TMEM17: variants seen among roughly 807,000 people sequenced by gnomAD.
The protein encoded by TMEM17 is transmembrane protein 17.
Under a neutral mutation model 19.1 loss-of-function variants are expected in TMEM17, and 15 were observed. The observed-to-expected ratio is 0.78, with a 90% CI of 0.52 to 1.21. The LOEUF (loss-of-function observed/expected upper bound fraction) is 1.21. TMEM17 is among the 50% of genes most tolerant of loss of function. The pLI, the probability that TMEM17 is intolerant of heterozygous loss-of-function variation, is 0.00. For synonymous variants in TMEM17, 103 were observed against 86.9 expected, an observed-to-expected ratio of 1.19 and a Z score of -1.03; for missense variants, 245 against 242.3, an observed-to-expected ratio of 1.01 and a Z score of -0.07.
the TMEM17 span, among the ~76,000 whole-genome samples, chr2:62,453,743 G>A: frequency 2.6e-5 from 4 of 152,180 alleles, no homozygotes; most frequent in Admixed American, 6.5e-5. Context: ...GCCTACACTT[G>A]TCATTTTGCA....
chr2:62,487,711 T>C, the TMEM17 span, among the ~76,000 whole-genome samples: 1 of 152,232 alleles, frequency 6.6e-6, no homozygotes, highest in Non-Finnish European at 1.5e-5. Flanking sequence ...CTTTGTTTGT[T>C]CGAGACGAAG....
the TMEM17 span, among the ~76,000 whole-genome samples, chr2:62,464,980 T>G: frequency 6.6e-6 from 1 of 152,170 alleles, no homozygotes; most frequent in East Asian, 1.9e-4. Context: ...TATGAACAAT[T>G]TGGGGAGGGT....
the TMEM17 span, among the ~76,000 whole-genome samples, chr2:62,477,019 G>A: frequency 7.2e-5 from 11 of 152,208 alleles, no homozygotes; most frequent in East Asian, 1.9e-3. Context: ...GAGGGACTGG[G>A]GAGAGAGAGG....
chr2:62,504,699 G>A (rs1680019301), intron 1 of TMEM17, among the ~76,000 whole-genome samples: 1 of 152,100 alleles, frequency 6.6e-6, no homozygotes, highest in Non-Finnish European at 1.5e-5. Context: ...TATAAATCAG[G>A]GATAGGTAAA....
chr2:62,467,400 A>G, the TMEM17 span, among the ~76,000 whole-genome samples: 2 of 152,188 alleles, frequency 1.3e-5, no homozygotes, highest in African/African-American at 2.4e-5. Context: ...AAGTCCCACA[A>G]AAAGTCCCTT....
the TMEM17 span, among the ~76,000 whole-genome samples, chr2:62,490,880 C>T: frequency 6.6e-6 from 1 of 151,908 alleles, no homozygotes; most frequent in East Asian, 1.9e-4. Flanking sequence ...AGTTTGAGAC[C>T]AGCCTGACCC....
At chr2:62,496,874 G>A (rs1217463200), downstream of TMEM17, among the ~76,000 whole-genome samples, 1 of 152,204 alleles carries the variant, frequency 6.6e-6, no homozygotes, top group Non-Finnish European at 1.5e-5. Flanking sequence ...GAGGCAGAAT[G>A]ATCACTTGAG....
chr2:62,475,507 G>T, the TMEM17 span, among the ~76,000 whole-genome samples: 2 of 152,346 alleles, frequency 1.3e-5, no homozygotes, highest in East Asian at 1.9e-4. Context: ...GCGGTTCTGG[G>T]TTTCCCATTT....
the TMEM17 span, among the ~76,000 whole-genome samples, chr2:62,495,115 G>C: frequency 3.3e-5 from 5 of 152,204 alleles, 1 homozygote; most frequent in African/African-American, 1.2e-4. Flanking sequence ...CATCTTACTA[G>C]ATTAAAAAGC....
the TMEM17 span, among the ~76,000 whole-genome samples, chr2:62,454,927 G>C: frequency 2.0e-5 from 3 of 152,084 alleles, no homozygotes; most frequent in East Asian, 5.8e-4. Flanking sequence ...GGATGGTCTC[G>C]ATCTCCTGAC....
chr2:62,503,067 G>C (rs769667536), intron 1 of TMEM17, among the ~76,000 whole-genome samples: 1 of 152,118 alleles, frequency 6.6e-6, no homozygotes, highest in Non-Finnish European at 1.5e-5. Flanking sequence ...TACTGGTATA[G>C]ATTTAATGTA....
the TMEM17 span, among the ~76,000 whole-genome samples, chr2:62,473,634 A>ACACACTT: frequency 6.6e-6 from 1 of 152,188 alleles, no homozygotes; most frequent in Non-Finnish European, 1.5e-5. Flanking sequence ...TATCTCATCT[A>ACACACTT]CACACTTTCC....
At chr2:62,464,685 G>A in the TMEM17 span, among the ~76,000 whole-genome samples, 16 of 152,334 alleles carry the variant, frequency 1.1e-4, no homozygotes, top group Admixed American at 9.8e-4. Flanking sequence ...GTGGGAGACT[G>A]GAGTTTTATT....
At chr2:62,488,772 T>C in the TMEM17 span, among the ~76,000 whole-genome samples, 1 of 147,754 alleles carries the variant, frequency 6.8e-6, no homozygotes. Context: ...TTGCTAGCAC[T>C]TCCTCTCTGT....
At chr2:62,471,167 C>T in the TMEM17 span, among the ~76,000 whole-genome samples, 1 of 152,206 alleles carries the variant, frequency 6.6e-6, no homozygotes, top group Non-Finnish European at 1.5e-5. Flanking sequence ...GCACTTAATG[C>T]GTGTGGAGGG....
chr2:62,481,937 A>C, the TMEM17 span, among the ~76,000 whole-genome samples: 2 of 152,190 alleles, frequency 1.3e-5, no homozygotes, highest in African/African-American at 4.8e-5. Context: ...CAGTTCCACC[A>C]CTGCTGACTG....
chr2:62,492,899 T>C, the TMEM17 span, among the ~76,000 whole-genome samples: 28 of 152,132 alleles, frequency 1.8e-4, no homozygotes, highest in Non-Finnish European at 3.2e-4. Context: ...AAACCCAGAA[T>C]GGTGCATGGG....
At chr2:62,503,621 T>C (rs1031454017) in intron 1 of TMEM17, among the ~76,000 whole-genome samples, 1 of 152,254 alleles carries the variant, frequency 6.6e-6, no homozygotes, top group Non-Finnish European at 1.5e-5. Flanking sequence ...CCAATATAAA[T>C]TATTTCATCC....
At chr2:62,473,689 T>C in the TMEM17 span, among the ~76,000 whole-genome samples, 1 of 152,174 alleles carries the variant, frequency 6.6e-6, no homozygotes, top group Non-Finnish European at 1.5e-5. Flanking sequence ...ACCACAGCCA[T>C]GCAGATTTTC....
Sources: allele counts gnomAD v4.1 joint callset (sites outside exome capture counted in the v4.1 genomes callset), GRCh38; gene constraint gnomAD v4.1.1; transcripts MANE v1.5; gene names NCBI Gene and HGNC (gene_info 2026-07-23, HGNC 2026-07-21).